The following MIGA1 variants were observed in gnomAD, a reference collection of about 807,000 sequenced individuals.
The protein encoded by MIGA1 is mitoguardin 1, also known as family with sequence similarity 73, member A.
MIGA1 carries 58 observed loss-of-function variants against 82.0 expected under a neutral mutation model. The observed-to-expected ratio is 0.71, with a 90% confidence interval of 0.57 to 0.88. MIGA1 has a LOEUF of 0.88. MIGA1 is among the 40% of genes least tolerant of loss of function. MIGA1 has a pLI of 0.00. For synonymous variants in MIGA1, 249 were observed against 253.6 expected, an observed-to-expected ratio of 0.98 and a Z score of 0.17; for missense variants, 751 against 749.1, an observed-to-expected ratio of 1.00 and a Z score of -0.03.
chr1:77,859,097 G>A (rs1685371945), intron 9 of MIGA1, 41 bp downstream of exon 9: 1 of 1,270,418 alleles, frequency 7.9e-7, no homozygotes, highest in East Asian at 2.3e-5. Flanking sequence ...AGGATATTAA[G>A]GTGTTTGTGT....
At chr1:77,781,120 G>A (rs956546726) in intron 1 of MIGA1, among the ~76,000 whole-genome samples, 2 of 151,876 alleles carry the variant, frequency 1.3e-5, no homozygotes, top group African/African-American at 4.8e-5. Context: ...TATTGGCCAG[G>A]CTGGTCTTGA....
rs879052709 is a variant in MIGA1, at chr1:77,811,261, G to A, written c.638-2473G>A. 1.5e-5 allele frequency: 23 copies of A among 1,582,638 alleles called. No homozygotes were observed. In the East Asian group the frequency reaches 2.5e-4, roughly 17 times the overall value. On this transcript the variant is annotated intron_variant, in intron 5 of 15. Transcript: ENST00000370791. The stretch of plus-strand genomic sequence containing the variant: ...CCCAGCATCTTTCAAACCAATTTTC[G>A]CAATTCTGATAGTGAGTAATGTCAT...
intron 8 of MIGA1, chr1:77,848,197 T>C (rs1205085822): frequency 6.9e-6 from 10 of 1,443,886 alleles, no homozygotes; most frequent in African/African-American, 2.8e-5. Flanking sequence ...GAGATTCCCA[T>C]TGGAAGAGGC....
At chr1:77,871,728 G>A (rs1205927019) in intron 14 of MIGA1, among the ~76,000 whole-genome samples, 1 of 152,110 alleles carries the variant, frequency 6.6e-6, no homozygotes, top group Non-Finnish European at 1.5e-5. Context: ...CACAGGAAGA[G>A]GCAATTACAC....
chr1:77,878,805 G>A lies in MIGA1; in HGVS notation c.*3741G>A. On this transcript the variant is annotated 3_prime_UTR_variant, in exon 16 of 16. Transcript: ENST00000370791. The stretch of plus-strand genomic sequence containing the variant: ...CAAAATGGAATTATCTTTTAAAAAA[G>A]AAGACAAGTTTTCCATACTGTCACA... 1 of 383,298 alleles carries A rather than the reference G, an allele frequency of 2.6e-6. No homozygotes were observed. Among genetic ancestry groups the A allele is most frequent in the Non-Finnish European group, 4.6e-6 (1 of 215,584 alleles). The allele number at this position is 383,298 out of a possible 1,614,324, so 23.7% of individuals were successfully genotyped here. A position where few individuals can be genotyped will look rare whatever the true frequency, so the allele number is the denominator to read the frequency against.
intron 2 of MIGA1, among the ~76,000 whole-genome samples, chr1:77,796,568 A>G (rs1682666507): frequency 6.6e-6 from 1 of 152,144 alleles, no homozygotes; most frequent in South Asian, 2.1e-4. Context: ...GACTACAGGC[A>G]GGTACCACTG....
At chr1:77,813,344 T>C (rs946943698) in intron 5 of MIGA1, among the ~76,000 whole-genome samples, 1 of 152,200 alleles carries the variant, frequency 6.6e-6, no homozygotes, top group African/African-American at 2.4e-5. Context: ...GTAAACTGGT[T>C]TCTTCTATCT....
At chr1:77,847,607 A>G in intron 8 of MIGA1, 1 of 1,540,466 alleles carries the variant, frequency 6.5e-7, no homozygotes, top group African/African-American at 1.4e-5. Context: ...AGAGAGCTGA[A>G]GAAGAAAGAA....
chr1:77,835,002 CT>C (rs1684375854), intron 7 of MIGA1, among the ~76,000 whole-genome samples: 1 of 152,180 alleles, frequency 6.6e-6, no homozygotes, highest in Non-Finnish European at 1.5e-5. Context: ...AGAGTGGCAT[CT>C]TTGGAATCTC....
Position 77,866,392 on chromosome 1 carries a change from G to T in MIGA1, c.1563+1G>T. Reference sequence around the variant, plus strand: ...GAAACAGAAAAGACAACAGATGAAGGTAAAATTCGTTATGTCCTGAATTCC... The same window carrying T: ...GAAACAGAAAAGACAACAGATGAAGTTAAAATTCGTTATGTCCTGAATTCC... On this transcript the variant is annotated splice_donor_variant, in intron 14 of 15. Transcript: ENST00000370791. LOFTEE classifies it high-confidence loss of function. The T allele has an allele frequency of 6.2e-7, 1 of 1,613,734 alleles. No individual in the cohort carries two copies. Among genetic ancestry groups the T allele is most frequent in the Non-Finnish European group, 8.5e-7 (1 of 1,179,698 alleles).
intron 3 of MIGA1, among the ~76,000 whole-genome samples, chr1:77,802,199 C>T (rs1406671684): frequency 6.6e-6 from 1 of 152,152 alleles, no homozygotes; most frequent in African/African-American, 2.4e-5. Flanking sequence ...ATCTGTCCAG[C>T]ATACAATTAA....
chr1:77,791,293 C>T (rs1682414178), intron 2 of MIGA1, among the ~76,000 whole-genome samples: 1 of 147,200 alleles, frequency 6.8e-6, no homozygotes, highest in Non-Finnish European at 1.5e-5. Context: ...AATGGAGTCA[C>T]ACAGGCTGTT....
chr1:77,838,623 T>C (rs997598225), intron 7 of MIGA1, among the ~76,000 whole-genome samples: 2 of 152,120 alleles, frequency 1.3e-5, no homozygotes, highest in Non-Finnish European at 2.9e-5. Context: ...AATTTTTGTA[T>C]TTTTTGTAGA....
At chr1:77,784,298 C>A (rs559332899) in intron 2 of MIGA1, among the ~76,000 whole-genome samples, 1 of 152,064 alleles carries the variant, frequency 6.6e-6, no homozygotes, top group East Asian at 1.9e-4. Flanking sequence ...GATCATAGCT[C>A]ACTGCAGCCT....
rs142224673 is a variant in MIGA1, at chr1:77,780,691, C to T, written c.81+955C>T. On this transcript the variant is annotated intron_variant, in intron 1 of 15. Transcript: ENST00000370791. ...ATTTTTGGTTATGTTTTATAGATTC[C>T]GTCTATAAATTTGAATAATCATGAA... 1.4e-3 allele frequency among the ~76,000 whole-genome samples: 217 copies of T among 152,052 alleles called. 2 individuals are homozygous for T. Among genetic ancestry groups the T allele is most frequent in the African/African-American group, 5.0e-3 (206 of 41,512 alleles).
At chr1:77,859,459 T>C in intron 10 of MIGA1, 73 bp downstream of exon 10, 1 of 983,388 alleles carries the variant, frequency 1.0e-6, no homozygotes, top group East Asian at 2.4e-5. Flanking sequence ...CCAGTGCAAA[T>C]AAACAGGACA....
At chr1:77,844,096 G>A (rs1396862775) in intron 8 of MIGA1, among the ~76,000 whole-genome samples, 1 of 41,736 alleles carries the variant, frequency 2.4e-5, no homozygotes, top group Non-Finnish European at 4.7e-5. Flanking sequence ...ACAAGACCCT[G>A]TCTTAAAAAA....
intron 7 of MIGA1, among the ~76,000 whole-genome samples, chr1:77,822,035 C>T (rs996456480): frequency 6.6e-6 from 1 of 152,062 alleles, no homozygotes; most frequent in African/African-American, 2.4e-5. Flanking sequence ...TCTTACCTTA[C>T]ACACCACACA....
chr1:77,874,350 C>CA (rs1312305622), intron 15 of MIGA1, among the ~76,000 whole-genome samples: 27 of 144,084 alleles, frequency 1.9e-4, no homozygotes, highest in South Asian at 8.7e-4. Flanking sequence ...TTTTCTTGTA[C>CA]AAAAAAAAAA....
Sources: allele counts gnomAD v4.1 joint callset (sites outside exome capture counted in the v4.1 genomes callset), GRCh38; gene constraint gnomAD v4.1.1; transcripts MANE v1.5; gene names NCBI Gene and HGNC (gene_info 2026-07-23, HGNC 2026-07-21).